The following NELL2 variants were observed in gnomAD, a reference collection of about 807,000 sequenced individuals.
The protein encoded by NELL2 is neural EGFL like 2.
In NELL2, 41 loss-of-function variants were observed where a neutral mutation model predicts 109.6. The ratio of observed to expected loss-of-function variants is 0.37; its 90% CI spans 0.29 to 0.49. The LOEUF is 0.49. Among genes scored for constraint, NELL2 ranks in the 20% least tolerant of loss-of-function variants. The pLI is 0.98. For synonymous variants in NELL2, 355 were observed against 344.7 expected (o/e 1.03, Z -0.33); for missense variants, 900 against 1,008.3 (o/e 0.89, Z 1.45).
chr12:44,793,315 C>T (rs1282929089), intron 3 of NELL2, among the ~76,000 whole-genome samples: 1 of 152,138 alleles, frequency 6.6e-6, no homozygotes, highest in African/African-American at 2.4e-5. Flanking sequence ...TCCCTTTTAT[C>T]TTCTTGTTTA....
intron 11 of NELL2, among the ~76,000 whole-genome samples, chr12:44,705,102 T>C (rs2136423822): frequency 6.6e-6 from 1 of 152,166 alleles, no homozygotes; most frequent in African/African-American, 2.4e-5. Flanking sequence ...AAAAGACTTT[T>C]ACTTGCGAAA....
At chr12:44,617,921 T>A (rs905485759) in intron 13 of NELL2, among the ~76,000 whole-genome samples, 4 of 152,104 alleles carry the variant, frequency 2.6e-5, no homozygotes, top group African/African-American at 9.7e-5. Context: ...CTCCTCACAA[T>A]CTTTTCTGAA....
intron 9 of NELL2, among the ~76,000 whole-genome samples, chr12:44,747,538 G>A (rs1471852119): frequency 6.6e-6 from 1 of 151,930 alleles, no homozygotes; most frequent in African/African-American, 2.4e-5. Flanking sequence ...ATTATCTTAA[G>A]ACTTCTGGTT....
At chr12:44,653,117 A>G (rs1380137126) in intron 13 of NELL2, among the ~76,000 whole-genome samples, 3 of 152,168 alleles carry the variant, frequency 2.0e-5, no homozygotes, top group Non-Finnish European at 4.4e-5. Context: ...TTAGGATGTG[A>G]ACATTTTTGG....
At chr12:44,725,169 A>G (rs1335957978) in intron 9 of NELL2, among the ~76,000 whole-genome samples, 1 of 152,186 alleles carries the variant, frequency 6.6e-6, no homozygotes, top group Admixed American at 6.5e-5. Context: ...AAAACTCTGG[A>G]AGACAACCTG....
intron 9 of NELL2, among the ~76,000 whole-genome samples, chr12:44,737,837 G>A (rs1211819507): frequency 6.6e-6 from 1 of 151,530 alleles, no homozygotes; most frequent in Non-Finnish European, 1.5e-5. Context: ...AGGCCCTCAT[G>A]ATCTAATTAA....
chr12:44,762,653 C>T (rs1170018082), intron 9 of NELL2, among the ~76,000 whole-genome samples: 3 of 152,232 alleles, frequency 2.0e-5, no homozygotes, highest in African/African-American at 7.2e-5. Context: ...CAACATGACA[C>T]CTCACTACAC....
chr12:44,778,112 T>G (rs1941822110), intron 5 of NELL2, among the ~76,000 whole-genome samples: 1 of 152,156 alleles, frequency 6.6e-6, no homozygotes, highest in Non-Finnish European at 1.5e-5. Context: ...CCTTTATATA[T>G]TTTATTAAAT....
chr12:44,858,408 T>C (rs758890186), intron 2 of NELL2, among the ~76,000 whole-genome samples: 3 of 152,198 alleles, frequency 2.0e-5, no homozygotes, highest in Non-Finnish European at 4.4e-5. Context: ...ATGGTTGCCC[T>C]GGGTTACTCA....
chr12:44,555,648 T>C (rs1943224056), intron 15 of NELL2, among the ~76,000 whole-genome samples: 1 of 152,060 alleles, frequency 6.6e-6, no homozygotes, highest in African/African-American at 2.4e-5. Context: ...GCCCACTGTA[T>C]TAAAAGTTGC....
chr12:44,736,003 T>A (rs111750566), intron 9 of NELL2, among the ~76,000 whole-genome samples: 10,334 of 145,414 alleles, frequency 0.071, 1,234 homozygotes, highest in African/African-American at 0.24. Context: ...AGCAGTTAAT[T>A]CTTTTTTTTT....
At chr12:44,820,013 G>C (rs901989277) in intron 2 of NELL2, among the ~76,000 whole-genome samples, 35 of 151,992 alleles carry the variant, frequency 2.3e-4, no homozygotes, top group African/African-American at 8.2e-4. Context: ...TCCTCACCTG[G>C]TGCCCCAGCC....
chr12:44,851,689 A>T (rs1944539041), intron 2 of NELL2: 3 of 152,206 alleles, frequency 2.0e-5, no homozygotes, highest in Admixed American at 2.0e-4. Context: ...TGGAGGAGGG[A>T]ATAGTAGCCA....
chr12:44,723,794 G>T (rs1429120103), intron 9 of NELL2, among the ~76,000 whole-genome samples: 1 of 152,122 alleles, frequency 6.6e-6, no homozygotes, highest in Non-Finnish European at 1.5e-5. Context: ...CTGTTGGTGA[G>T]AATGCAAACT....
At chr12:44,673,921 G>A (rs959835474) in intron 12 of NELL2, among the ~76,000 whole-genome samples, 1 of 151,830 alleles carries the variant, frequency 6.6e-6, no homozygotes, top group Non-Finnish European at 1.5e-5. Context: ...CTAATTATGA[G>A]CTCTGAGACA....
At chr12:44,533,627 T>C (rs186899641) in intron 15 of NELL2, among the ~76,000 whole-genome samples, 9 of 152,278 alleles carry the variant, frequency 5.9e-5, no homozygotes, top group Non-Finnish European at 1.2e-4. Context: ...CAGAGGCTTA[T>C]TACTATTCCT....
At chr12:44,911,990 T>A (rs1480444875) in intron 1 of NELL2, among the ~76,000 whole-genome samples, 2 of 150,546 alleles carry the variant, frequency 1.3e-5, no homozygotes, top group African/African-American at 4.9e-5. Flanking sequence ...TTTAAAAAAA[T>A]AAATAAATAA....
chr12:44,775,944 G>A, intron 8 of NELL2, 78 bp downstream of exon 8: 1 of 1,515,218 alleles, frequency 6.6e-7, no homozygotes, highest in South Asian at 1.3e-5. Context: ...AAATTTTCAT[G>A]ATTACATTGT....
chr12:44,886,122 AG>A (rs1384102240), intron 1 of NELL2, among the ~76,000 whole-genome samples: 4 of 151,226 alleles, frequency 2.6e-5, no homozygotes, highest in African/African-American at 4.9e-5. Flanking sequence ...GAAGGAAGGA[AG>A]GAAGGAAGGA....
Sources: allele counts gnomAD v4.1 joint callset (sites outside exome capture counted in the v4.1 genomes callset), GRCh38; gene constraint gnomAD v4.1.1; transcripts MANE v1.5; gene names NCBI Gene and HGNC (gene_info 2026-07-23, HGNC 2026-07-21).